Variants in ALK observed in about 807,000 individuals in gnomAD.
ALK encodes the protein ALK receptor tyrosine kinase.
ALK carries 74 observed loss-of-function variants against 163.1 expected under a neutral mutation model. That is an observed-to-expected ratio of 0.45 (90% CI 0.38 to 0.55). ALK has a LOEUF of 0.55. Ranked by LOEUF, ALK falls within the 20% of genes least tolerant of loss-of-function variation. The probability of loss-of-function intolerance (pLI) is 0.00; values close to 1 mark genes in which losing one functional copy is unlikely to be tolerated. For missense variants in ALK, 2,063 were observed against 2,105.3 expected (o/e 0.98, Z 0.39); for synonymous variants, 960 against 843.2 (o/e 1.14, Z -2.40).
At chr2:29,383,107 C>T (rs1266375506) in intron 5 of ALK, among the ~76,000 whole-genome samples, 3 of 152,086 alleles carry the variant, frequency 2.0e-5, no homozygotes, top group Non-Finnish European at 4.4e-5. Context: ...CTCAGGCTTC[C>T]TCTGGGTCCA....
intron 2 of ALK, among the ~76,000 whole-genome samples, chr2:29,706,975 A>ATGCG (rs1678928153): frequency 9.7e-6 from 1 of 102,726 alleles, no homozygotes; most frequent in African/African-American, 3.5e-5. Flanking sequence ...CTCATGCAGA[A>ATGCG]TGTGTGTGTG....
chr2:29,274,994 T>C, intron 11 of ALK, 105 bp downstream of exon 11: 2 of 1,449,408 alleles, frequency 1.4e-6, no homozygotes, highest in Admixed American at 3.4e-5. Context: ...TAAAGACTGT[T>C]TCATTCTTTC....
chr2:29,777,375 C>T (rs1326863864), intron 1 of ALK, among the ~76,000 whole-genome samples: 1 of 152,120 alleles, frequency 6.6e-6, no homozygotes, highest in East Asian at 1.9e-4. Context: ...GACAGTGAGT[C>T]ACTGGCAGCT....
At chr2:29,544,860 G>A (rs1410925756) in intron 3 of ALK, among the ~76,000 whole-genome samples, 2 of 152,104 alleles carry the variant, frequency 1.3e-5, no homozygotes, top group African/African-American at 4.8e-5. Flanking sequence ...TTGTCACGTA[G>A]CTTAATCGCT....
At chr2:29,234,498 C>G (rs1367538687) in intron 13 of ALK, among the ~76,000 whole-genome samples, 1 of 152,026 alleles carries the variant, frequency 6.6e-6, no homozygotes, top group Non-Finnish European at 1.5e-5. Context: ...CTCATTCCTC[C>G]TAGCTAATGT....
At chr2:29,845,789 A>C (rs1467708735) in intron 1 of ALK, among the ~76,000 whole-genome samples, 1 of 152,172 alleles carries the variant, frequency 6.6e-6, no homozygotes, top group African/African-American at 2.4e-5. Flanking sequence ...AAACTTTTGG[A>C]AGACTCCCAG....
intron 4 of ALK, among the ~76,000 whole-genome samples, chr2:29,494,258 C>G (rs1464441055): frequency 6.6e-6 from 1 of 152,180 alleles, no homozygotes; most frequent in African/African-American, 2.4e-5. Context: ...ATCAAGAGAA[C>G]AGCTTCAAGC....
intron 4 of ALK, among the ~76,000 whole-genome samples, chr2:29,414,910 A>C (rs994104255): frequency 7.1e-6 from 1 of 141,404 alleles, no homozygotes; most frequent in Non-Finnish European, 1.6e-5. Flanking sequence ...GGAAGCCTGC[A>C]CAAGAAGGGA....
intron 9 of ALK, among the ~76,000 whole-genome samples, chr2:29,285,897 C>T (rs927161224): frequency 3.3e-5 from 5 of 152,076 alleles, no homozygotes; most frequent in African/African-American, 1.2e-4. Flanking sequence ...TTCCTAAATC[C>T]AAAACACCTG....
Position 29,920,311 on chromosome 2 carries a change from G to T in ALK, c.349C>A (p.Pro117Thr). ...CTGGACAGCGTCCGGGCCTCTGCCG[G>T]GGCTGGTGAACCGGCGGTCCAGGAG... ...GVSWTAGSPA[P>T]AEARTLSRVL... is the part of the protein sequence containing the mutation. Residue 117 changes from proline (P) to threonine (T), a missense_variant, in exon 1 of 29, where the codon CCG becomes ACG. Physicochemically the swap from Pro to Thr is conservative, Grantham distance 38. Around this residue, in one of 5 missense-constraint regions of ALK, gnomAD observed 987 missense variants for 939.5 expected, o/e 1.05. Coordinates refer to ENST00000389048, the MANE Select transcript of ALK (RefSeq NM_004304.5). 3 of 1,558,974 alleles carry T rather than the reference G, an allele frequency of 1.9e-6. No homozygotes were observed. Among genetic ancestry groups the T allele is most frequent in the Non-Finnish European group, 2.6e-6 (3 of 1,152,952 alleles).
chr2:29,816,026 C>G (rs1021417528), intron 1 of ALK, among the ~76,000 whole-genome samples: 1 of 152,204 alleles, frequency 6.6e-6, no homozygotes, highest in African/African-American at 2.4e-5. Context: ...TCTGGACAGA[C>G]CCTGTCTCCT....
intron 1 of ALK, among the ~76,000 whole-genome samples, chr2:29,810,005 C>T (rs1664712611): frequency 6.6e-6 from 1 of 152,116 alleles, no homozygotes; most frequent in South Asian, 2.1e-4. Context: ...AGTCTAATGA[C>T]TATATATGGG....
intron 16 of ALK, 82 bp downstream of exon 16, chr2:29,228,802 G>C (rs1664091352): frequency 1.1e-6 from 1 of 940,314 alleles, no homozygotes; most frequent in Non-Finnish European, 1.8e-6. Flanking sequence ...CCAGGGGAGG[G>C]CAGGGGAGGG....
chr2:29,815,822 A>G (rs1433144541), intron 1 of ALK, among the ~76,000 whole-genome samples: 1 of 152,136 alleles, frequency 6.6e-6, no homozygotes, highest in African/African-American at 2.4e-5. Context: ...TGGAAATTCC[A>G]TATACACTCT....
At chr2:29,195,301 C>A (rs1668996188) in intron 28 of ALK, among the ~76,000 whole-genome samples, 1 of 152,088 alleles carries the variant, frequency 6.6e-6, no homozygotes, top group Admixed American at 6.5e-5. Context: ...TCTGAAAGAA[C>A]CTTCAATAAC....
At chr2:29,594,912 G>C in intron 3 of ALK, among the ~76,000 whole-genome samples, 1 of 115,488 alleles carries the variant, frequency 8.7e-6, no homozygotes, top group Admixed American at 1.0e-4. Flanking sequence ...GGGGGGCGGG[G>C]GGCAAAGAAG....
At chr2:29,784,070 A>G (rs1372117857) in intron 1 of ALK, among the ~76,000 whole-genome samples, 2 of 152,212 alleles carry the variant, frequency 1.3e-5, no homozygotes, top group Non-Finnish European at 2.9e-5. Flanking sequence ...CGAGACAACG[A>G]GAGAGCGAGA....
At position 29,275,529 on chromosome 2, in the gene ALK, C is replaced by T; in HGVS notation, c.1818-33G>A. 6 of 1,607,368 alleles carry T rather than the reference C, an allele frequency of 3.7e-6. No individual in the cohort carries two copies. The East Asian group carries it at 8.9e-5, about 24-fold the overall frequency. ...CATCAAGAGGAATGTGTGTGAGGAG[C>T]AAACTGGGGGGTCTTGTCTTAGGAT... On this transcript the variant is annotated intron_variant, in intron 9 of 28. Transcript: ENST00000389048.
At chr2:29,497,245 C>T (rs1199958689) in intron 4 of ALK, among the ~76,000 whole-genome samples, 1 of 151,382 alleles carries the variant, frequency 6.6e-6, no homozygotes, top group Non-Finnish European at 1.5e-5. Flanking sequence ...GCACTCCTGC[C>T]TGGGCAACAA....
Sources: gnomAD v4.1 joint callset for allele counts (sites outside exome capture counted in the v4.1 genomes callset) on GRCh38, gnomAD v4.1.1 for gene constraint, gnomAD v4.1.1 regional missense constraint, MANE v1.5 for transcripts, NCBI Gene and HGNC (gene_info 2026-07-23, HGNC 2026-07-21) for gene names.